The following ADRA1A variants were observed in gnomAD, a reference collection of about 807,000 sequenced individuals.
The protein encoded by ADRA1A is alpha-1A adrenergic receptor.
In ADRA1A, 31 loss-of-function variants were observed where a neutral mutation model predicts 29.6. The observed-to-expected ratio is 1.05, with a 90% CI of 0.79 to 1.41. ADRA1A has a LOEUF of 1.41. ADRA1A is among the 40% of genes most tolerant of loss of function. The pLI is 0.00. For synonymous variants in ADRA1A, 311 were observed against 254.3 expected (o/e 1.22, Z -2.12); for missense variants, 619 against 601.1 (o/e 1.03, Z -0.31).
At chr8:26,755,546 C>T (rs1805124905), downstream of ADRA1A, among the ~76,000 whole-genome samples, 1 of 152,214 alleles carries the variant, frequency 6.6e-6, no homozygotes, top group Admixed American at 6.5e-5. Flanking sequence ...TGAGGTTCAC[C>T]AGCCCCTGGG....
In ADRA1A at chr8:26,861,411, C is replaced by T. The variant is rs565637635; in HGVS notation, c.883+2676G>A. 8.3e-4 allele frequency among the ~76,000 whole-genome samples: 125 copies of T among 150,800 alleles called. 1 individual carries two copies. The highest frequency in any genetic ancestry group is 6.9e-3 in the Middle Eastern group (2 of 288). ...CTGCCTCCCGGGTTCAAGCGATTCT[C>T]CTGCCTCAGCCTCCCAAATAGCTGG... On this transcript the variant is annotated intron_variant, in intron 2 of 2. Coordinates refer to ENST00000380573, the MANE Select transcript of ADRA1A (RefSeq NM_000680.4).
rs1038353340 is a variant in ADRA1A, at chr8:26,805,549, G to A, written c.884-34883C>T. 6.6e-6 allele frequency among the ~76,000 whole-genome samples: 1 copy of A among 152,164 alleles called. No homozygotes were observed. Among genetic ancestry groups the A allele is most frequent in the African/African-American group, 2.4e-5 (1 of 41,432 alleles). Reference sequence around the variant, plus strand: ...TCATTTAATTTTCCAAAAATGCTAGGAGGATACCAAGACATTAGTGTTATT... The same window carrying A: ...TCATTTAATTTTCCAAAAATGCTAGAAGGATACCAAGACATTAGTGTTATT... On this transcript the variant is annotated intron_variant, in intron 2 of 2. Coordinates refer to ENST00000380573, the MANE Select transcript of ADRA1A (RefSeq NM_000680.4). The surrounding 1 kb of genome is among the most constrained non-coding windows in gnomAD (Gnocchi z 4.8).
intron 2 of ADRA1A, among the ~76,000 whole-genome samples, chr8:26,826,828 C>A (rs1431933681): frequency 6.6e-6 from 1 of 152,178 alleles, no homozygotes; most frequent in Non-Finnish European, 1.5e-5. Flanking sequence ...AGTAGGAGAG[C>A]TATCTGCCAA....
chr8:26,854,318 A>G (rs896152376), intron 2 of ADRA1A: 5 of 150,974 alleles, frequency 3.3e-5, no homozygotes, highest in Non-Finnish European at 5.9e-5. Flanking sequence ...ACTTGAACCC[A>G]GGGTTCTAGG....
chr8:26,755,468 C>A (rs997977489), downstream of ADRA1A, among the ~76,000 whole-genome samples: 2 of 152,132 alleles, frequency 1.3e-5, no homozygotes, highest in Non-Finnish European at 2.9e-5. Context: ...AAGTGGCCAC[C>A]ATGATAAGCG....
At chr8:26,808,579 C>T (rs186876800) in intron 2 of ADRA1A, among the ~76,000 whole-genome samples, 1 of 152,296 alleles carries the variant, frequency 6.6e-6, no homozygotes, top group East Asian at 1.9e-4. Flanking sequence ...CTTCTAGCTG[C>T]CTTCCTGATC....
intron 2 of ADRA1A, among the ~76,000 whole-genome samples, chr8:26,800,013 C>G (rs1808456888): frequency 6.6e-6 from 1 of 152,136 alleles, no homozygotes; most frequent in African/African-American, 2.4e-5. Context: ...AATCCCAGCA[C>G]TGTGGGAGGC....
chr8:26,788,680 G>C (rs1807586086), intron 2 of ADRA1A, among the ~76,000 whole-genome samples: 1 of 152,108 alleles, frequency 6.6e-6, no homozygotes, highest in Non-Finnish European at 1.5e-5. Flanking sequence ...ATGAGACTCG[G>C]GGAGTTTAAT....
At chr8:26,808,194 T>C (rs984711342) in intron 2 of ADRA1A, among the ~76,000 whole-genome samples, 5 of 152,208 alleles carry the variant, frequency 3.3e-5, no homozygotes, top group Non-Finnish European at 5.9e-5. Context: ...TATGTCTATA[T>C]ATTATTTACT....
intron 2 of ADRA1A, among the ~76,000 whole-genome samples, chr8:26,794,690 CA>C (rs888759331): frequency 6.6e-6 from 1 of 150,816 alleles, no homozygotes; most frequent in African/African-American, 2.4e-5. Flanking sequence ...GTGGCCATAC[CA>C]AAAAAAAGGA....
intron 2 of ADRA1A, among the ~76,000 whole-genome samples, chr8:26,797,643 C>T (rs1262181840): frequency 2.0e-5 from 3 of 151,994 alleles, no homozygotes; most frequent in African/African-American, 7.2e-5. Context: ...TTAAATTTCT[C>T]AGTTTTAATT....
downstream of ADRA1A, among the ~76,000 whole-genome samples, chr8:26,766,554 G>A (rs1805800595): frequency 6.6e-6 from 1 of 152,174 alleles, no homozygotes; most frequent in East Asian, 1.9e-4. Context: ...GGTTAATTTG[G>A]AGGCAAATCT....
chr8:26,750,928 G>A (rs1044250394), intron 2 of ADRA1A, among the ~76,000 whole-genome samples: 2 of 152,180 alleles, frequency 1.3e-5, no homozygotes, highest in Non-Finnish European at 2.9e-5. Context: ...AATTAGCCAG[G>A]TGCGGTGGCG....
Position 26,769,078 on chromosome 8 carries a change from T to A in ADRA1A, c.*1071A>T. On this transcript the variant is annotated 3_prime_UTR_variant, in exon 3 of 3. Transcript: ENST00000380573. ...TTGGATCATAAGGCTCATTCCAACA[T>A]GCCACAGGTGAAGCTCATTCATTAT... 2 of 985,408 alleles carry A rather than the reference T, an allele frequency of 2.0e-6. No homozygotes were observed. Among genetic ancestry groups the A allele is most frequent in the South Asian group, 4.7e-5 (1 of 21,290 alleles). The allele number at this position is 985,408 out of a possible 1,614,324, so 61.0% of individuals were successfully genotyped here. A position where few individuals can be genotyped will look rare whatever the true frequency, so the allele number is the denominator to read the frequency against.
At chr8:26,752,798 ACT>A (rs1216334471), downstream of ADRA1A, among the ~76,000 whole-genome samples, 9 of 152,240 alleles carry the variant, frequency 5.9e-5, no homozygotes, top group African/African-American at 2.2e-4. Flanking sequence ...TAGCAAGATC[ACT>A]GAGAAAAAGA....
chr8:26,793,036 G>T (rs62492213), intron 2 of ADRA1A, among the ~76,000 whole-genome samples: 2,940 of 151,648 alleles, frequency 0.019, 37 homozygotes, highest in Middle Eastern at 0.041. Flanking sequence ...CTAAGCCTAG[G>T]TAAAAAAAAT....
chr8:26,857,986 T>C (rs553953303), intron 2 of ADRA1A, among the ~76,000 whole-genome samples: 1 of 152,230 alleles, frequency 6.6e-6, no homozygotes, highest in Non-Finnish European at 1.5e-5. Flanking sequence ...AAACAGTATA[T>C]GTTCAATGAA....
rs1234924759 is a variant in ADRA1A at position 26,867,276 on chromosome 8, C to T, written c.-1027G>A. On this transcript the variant is annotated 5_prime_UTR_variant, in exon 1 of 3. Transcript: ENST00000380573. ...AACTTTGCAGCTCTCGCTGACGTAA[C>T]TCAGGCAGTAGCCCAGCTAGTACCG... 1.0e-5 allele frequency: 10 copies of T among 985,350 alleles called. No homozygotes were observed. In the South Asian group the frequency reaches 4.2e-4, roughly 42 times the overall value. The allele number at this position is 985,350 out of a possible 1,614,324, so 61.0% of individuals were successfully genotyped here. A position where few individuals can be genotyped will look rare whatever the true frequency, so the allele number is the denominator to read the frequency against.
At chr8:26,858,781 T>G (rs1813225030) in intron 2 of ADRA1A, among the ~76,000 whole-genome samples, 1 of 152,230 alleles carries the variant, frequency 6.6e-6, no homozygotes, top group Non-Finnish European at 1.5e-5. Flanking sequence ...TATAAATGAC[T>G]GTTAACAACT....
Sources: allele counts gnomAD v4.1 joint callset (sites outside exome capture counted in the v4.1 genomes callset), GRCh38; gene constraint gnomAD v4.1.1; non-coding constraint Gnocchi (gnomAD v3.1); transcripts MANE v1.5; gene names NCBI Gene and HGNC (gene_info 2026-07-23, HGNC 2026-07-21).